The following RGL3 variants were observed in gnomAD, a reference collection of about 807,000 sequenced individuals.
The protein encoded by RGL3 is ral guanine nucleotide dissociation stimulator like 3.
RGL3 carries 85 observed loss-of-function variants against 90.6 expected under a neutral mutation model. The ratio of observed to expected loss-of-function variants is 0.94; its 90% CI spans 0.79 to 1.12. RGL3 has a LOEUF of 1.12. RGL3 is among the 50% of genes most tolerant of loss of function. The pLI, the probability that RGL3 is intolerant of heterozygous loss-of-function variation, is 0.00. For synonymous variants in RGL3, 408 were observed against 385.5 expected (o/e 1.06, Z -0.68); for missense variants, 1,034 against 939.2 (o/e 1.10, Z -1.32).
chr19:11,406,192 G>A lies in RGL3; in HGVS notation c.996+227C>T, dbSNP rs3810310. Among the ~76,000 whole-genome samples the A allele has an allele frequency of 5.8e-4, 88 of 151,924 alleles. 1 individual carries two copies. The East Asian group carries it at 0.016, about 28-fold the overall frequency. On this transcript the variant is annotated intron_variant, in intron 7 of 18. Transcript: ENST00000380456. ...CCCTGCCTCCGACCTTGACTTCTCC[G>A]GTCCGGGCTCCCTACTTCTCCCAGC...
intron 2 of RGL3, among the ~76,000 whole-genome samples, chr19:11,417,790 T>C (rs1969030115): frequency 6.6e-6 from 1 of 152,136 alleles, no homozygotes; most frequent in South Asian, 2.1e-4. Flanking sequence ...TTCTTTCATG[T>C]GATTCCTCTG....
At chr19:11,399,723 G>T in intron 16 of RGL3, 132 bp downstream of exon 16, 1 of 496,810 alleles carries the variant, frequency 2.0e-6, no homozygotes. Flanking sequence ...TACCCCGGGC[G>T]CTCAGTGTGC....
intron 5 of RGL3, among the ~76,000 whole-genome samples, chr19:11,414,528 T>TACCTATATATATATATATATATATAC (rs1968959239): frequency 2.7e-5 from 2 of 74,104 alleles, no homozygotes; most frequent in African/African-American, 5.3e-5. Context: ...TATATATATA[T>TACCTATATATATATATATATATATAC]ACCTTTATAT....
intron 5 of RGL3, among the ~76,000 whole-genome samples, chr19:11,414,334 T>C (rs1248459277): frequency 3.5e-5 from 4 of 114,220 alleles, no homozygotes; most frequent in African/African-American, 1.0e-4. Flanking sequence ...CATATATATA[T>C]ATATACCTTT....
chr19:11,406,749 C>T lies in RGL3; in HGVS notation c.753G>A (p.Val251=). Residue 251 remains valine, a synonymous_variant, in exon 6 of 19, where the codon GTG becomes GTA. Coordinates refer to ENST00000380456, the MANE Select transcript of RGL3 (RefSeq NM_001035223.4). ...PQLLDFSVDE[V]AEQLTLIDLE... ...AGTCTATGAGGGTCAGCTGCTCGGC[C>T]ACCTCGTCCACGCTGAAGTCCAGGA... The T allele has an allele frequency of 6.2e-7, 1 of 1,614,058 alleles. No homozygotes were observed. The highest frequency in any genetic ancestry group is 8.5e-7 in the Non-Finnish European group (1 of 1,180,018).
intron 5 of RGL3, among the ~76,000 whole-genome samples, chr19:11,410,479 T>A (rs572796008): frequency 3.9e-4 from 60 of 152,028 alleles, no homozygotes; most frequent in African/African-American, 1.4e-3. Context: ...ACCAGGAGTT[T>A]GAGACCAGCC....
chr19:11,412,251 G>A (rs552438542), intron 5 of RGL3, among the ~76,000 whole-genome samples: 1 of 143,858 alleles, frequency 7.0e-6, no homozygotes, highest in Non-Finnish European at 1.5e-5. Flanking sequence ...TTGCACTCCA[G>A]CCTGGGCAAC....
At chr19:11,410,239 GATCCTCCTGCCTCGGC>G (rs1212361172) in intron 5 of RGL3, among the ~76,000 whole-genome samples, 1 of 151,676 alleles carries the variant, frequency 6.6e-6, no homozygotes, top group Non-Finnish European at 1.5e-5. Context: ...GACCTCAGGT[GATCCTCCTGCCTCGGC>G]TTCCCAACGT....
Position 11,405,352 on chromosome 19 carries a change from C to T in RGL3, c.1071G>A (p.Arg357=), listed in dbSNP as rs939449139. The stretch of plus-strand genomic sequence containing the variant: ...TCACTGCCCCCCAGCTGCGCTTGAG[C>T]CGGTAGATGGGGTTAGATTGCAGGG... ...LSALQSNPIY[R]LKRSWGAVSR... Residue 357 remains arginine (R), a synonymous_variant, in exon 8 of 19, where the codon CGG becomes CGA. Transcript: ENST00000380456. The T allele has an allele frequency of 2.5e-6, 4 of 1,612,616 alleles. No homozygotes were observed. Among genetic ancestry groups the T allele is most frequent in the Admixed American group, 1.7e-5 (1 of 59,602 alleles).
At chr19:11,408,939 G>C (rs530528682) in intron 5 of RGL3, 1 of 152,364 alleles carries the variant, frequency 6.6e-6, no homozygotes, top group East Asian at 1.9e-4. Flanking sequence ...CACTTTGGGA[G>C]GCCAAGGCAG....
intron 2 of RGL3, 86 bp downstream of exon 2, chr19:11,418,585 C>T: frequency 9.4e-7 from 1 of 1,068,776 alleles, no homozygotes; most frequent in South Asian, 1.5e-5. Flanking sequence ...CCGCCCACTG[C>T]ACCTGGCGGC....
At chr19:11,419,168 C>G in intron 1 of RGL3, 78 bp downstream of exon 1, 1 of 1,496,420 alleles carries the variant, frequency 6.7e-7, no homozygotes. Flanking sequence ...CAGATACCGT[C>G]CGACGGGCGG....
chr19:11,408,459 G>A (rs182496857), intron 5 of RGL3, among the ~76,000 whole-genome samples: 10 of 152,120 alleles, frequency 6.6e-5, no homozygotes, highest in Non-Finnish European at 1.0e-4. Context: ...GATGGCACGC[G>A]CCTGTAATCC....
At chr19:11,418,824 G>C in intron 1 of RGL3, 40 bp from the exon 2 acceptor site, 2 of 1,481,972 alleles carry the variant, frequency 1.3e-6, no homozygotes, top group South Asian at 1.2e-5. Context: ...AAGGGGCACA[G>C]GTCCTGGGGC....
intron 5 of RGL3, 119 bp from the exon 6 acceptor site, chr19:11,406,983 C>A: frequency 2.9e-6 from 3 of 1,051,614 alleles, no homozygotes; most frequent in Non-Finnish European, 4.0e-6. Flanking sequence ...ACGGAGAGCT[C>A]TCTTAAATTT....
rs1287791195 is a variant in RGL3, at chr19:11,403,219, TAG to T, written c.1186-515_1186-514del. 6.0e-5 allele frequency among the ~76,000 whole-genome samples: 9 copies of T among 151,024 alleles called. No individual in the cohort carries two copies. The East Asian group carries it at 1.7e-3, about 28-fold the overall frequency. ...CCCAGCTAATTTTTTGTATTTTTAG[TAG>T]AGACAGGGTTTCACTGTGTTAGCCA... On this transcript the variant is annotated intron_variant, in intron 9 of 18. Transcript: ENST00000380456.
intron 4 of RGL3, 163 bp downstream of exon 4, chr19:11,416,451 G>A (rs769646581): frequency 9.3e-6 from 7 of 750,928 alleles, no homozygotes; most frequent in South Asian, 3.1e-5. Context: ...CACCTGCCTC[G>A]GCCTCCCAAA....
At position 11,402,726 on chromosome 19, in the gene RGL3, G is replaced by A. The variant is rs1232118740; in HGVS notation, c.1186-20C>T. The A allele has an allele frequency of 3.1e-6, 5 of 1,611,022 alleles. No homozygotes were observed. The South Asian group carries it at 5.5e-5, about 18-fold the overall frequency. ...CTCCTCCTGAGGGAAGAGAAAAACT[G>A]AGCCAGGTCTGGGGTCTCCTTGGAC... On this transcript the variant is annotated intron_variant, in intron 9 of 18. Coordinates refer to ENST00000380456, the MANE Select transcript of RGL3 (RefSeq NM_001035223.4).
intron 5 of RGL3, among the ~76,000 whole-genome samples, chr19:11,408,196 G>A (rs961593351): frequency 2.6e-5 from 4 of 152,194 alleles, no homozygotes; most frequent in African/African-American, 7.2e-5. Context: ...AAACACCTGG[G>A]CTCAAGCGAT....
Sources: allele counts gnomAD v4.1 joint callset (sites outside exome capture counted in the v4.1 genomes callset), GRCh38; gene constraint gnomAD v4.1.1; transcripts MANE v1.5; gene names NCBI Gene and HGNC (gene_info 2026-07-23, HGNC 2026-07-21).